IGF2BP2: variants seen among roughly 807,000 people sequenced by gnomAD.
IGF2BP2 encodes the protein insulin like growth factor 2 mRNA binding protein 2.
A neutral mutation model predicts 75.8 loss-of-function variants in IGF2BP2; 17 were observed. The ratio of observed to expected loss-of-function variants is 0.22; its 90% CI spans 0.15 to 0.34. The LOEUF (loss-of-function observed/expected upper bound fraction) is 0.34, where lower values mean the gene tolerates loss of function less well. Among genes scored for constraint, IGF2BP2 ranks in the 10% least tolerant of loss-of-function variants. IGF2BP2 has a pLI of 1.00. For synonymous variants in IGF2BP2, 288 were observed against 295.6 expected (o/e 0.97, Z 0.26); for missense variants, 516 against 772.4 (o/e 0.67, Z 3.93).
intron 2 of IGF2BP2, among the ~76,000 whole-genome samples, chr3:185,719,556 G>A (rs1003263607): frequency 1.3e-5 from 2 of 152,108 alleles, no homozygotes; most frequent in African/African-American, 2.4e-5. Context: ...AGTACAGGCT[G>A]GGTGTGGTGG....
intron 2 of IGF2BP2, among the ~76,000 whole-genome samples, chr3:185,775,087 T>C (rs1004621968): frequency 2.6e-5 from 4 of 152,022 alleles, no homozygotes; most frequent in Admixed American, 6.5e-5. Flanking sequence ...GGATGAACTC[T>C]AGCAAGTTAC....
intron 2 of IGF2BP2, among the ~76,000 whole-genome samples, chr3:185,718,341 G>A (rs1725967054): frequency 6.6e-6 from 1 of 152,194 alleles, no homozygotes; most frequent in East Asian, 1.9e-4. Flanking sequence ...AGAAGATTAA[G>A]ACCAAGGGAG....
At chr3:185,761,994 A>C (rs1732433556) in intron 2 of IGF2BP2, among the ~76,000 whole-genome samples, 1 of 152,230 alleles carries the variant, frequency 6.6e-6, no homozygotes, top group African/African-American at 2.4e-5. Flanking sequence ...ATATTCTACC[A>C]TGCTTTGTAC....
At chr3:185,769,721 C>CT (rs1209092990) in intron 2 of IGF2BP2, among the ~76,000 whole-genome samples, 1 of 148,936 alleles carries the variant, frequency 6.7e-6, no homozygotes, top group Admixed American at 6.8e-5. Flanking sequence ...CCCAGCTACT[C>CT]AGGAGGCTGA....
intron 2 of IGF2BP2, among the ~76,000 whole-genome samples, chr3:185,711,230 C>T (rs1428503898): frequency 3.3e-5 from 5 of 152,190 alleles, no homozygotes; most frequent in Non-Finnish European, 7.3e-5. Flanking sequence ...TAGACTTTTG[C>T]ACAAATAATT....
At chr3:185,824,637 G>T in intron 1 of IGF2BP2, 146 bp downstream of exon 1, 1 of 436,960 alleles carries the variant, frequency 2.3e-6, no homozygotes, top group Non-Finnish European at 3.6e-6. Flanking sequence ...GGCCGGCGGC[G>T]AGAGTTGAGG....
chr3:185,784,239 T>C lies in IGF2BP2; in HGVS notation c.239+38914A>G, dbSNP rs552809544. 1.2e-3 allele frequency among the ~76,000 whole-genome samples: 176 copies of C among 151,394 alleles called. 1 individual carries two copies. The highest frequency in any genetic ancestry group is 4.2e-3 in the African/African-American group (173 of 40,930). ...GACAGAGTGAGACTTTGTCTCTAAA[T>C]AAATAAACAAGTAGATAGATAGATA... On this transcript the variant is annotated intron_variant, in intron 2 of 15. Coordinates refer to ENST00000382199, the MANE Select transcript of IGF2BP2 (RefSeq NM_006548.6).
At chr3:185,700,348 T>C (rs925911732) in intron 2 of IGF2BP2, among the ~76,000 whole-genome samples, 3 of 152,190 alleles carry the variant, frequency 2.0e-5, no homozygotes, top group African/African-American at 7.2e-5. Context: ...ACTACTTCAG[T>C]CTTGTCTATC....
chr3:185,746,540 T>C (rs182602384), intron 2 of IGF2BP2, among the ~76,000 whole-genome samples: 2 of 152,276 alleles, frequency 1.3e-5, no homozygotes, highest in East Asian at 3.9e-4. Flanking sequence ...GGAACACGGG[T>C]CCAAACTGAA....
chr3:185,800,138 G>A (rs1457699301), intron 2 of IGF2BP2, among the ~76,000 whole-genome samples: 1 of 152,192 alleles, frequency 6.6e-6, no homozygotes, highest in Non-Finnish European at 1.5e-5. Context: ...GGACATGGAT[G>A]AAGCTGGAAA....
At chr3:185,788,710 CTTTTTTTTTT>C (rs1158869748) in intron 2 of IGF2BP2, among the ~76,000 whole-genome samples, 6 of 100,246 alleles carry the variant, frequency 6.0e-5, no homozygotes, top group South Asian at 3.6e-4. Flanking sequence ...TGACAAACGA[CTTTTTTTTTT>C]TTTTTTTTTT....
intron 2 of IGF2BP2, among the ~76,000 whole-genome samples, chr3:185,803,890 G>A (rs1488329126): frequency 6.6e-6 from 1 of 152,158 alleles, no homozygotes; most frequent in East Asian, 1.9e-4. Context: ...TTAGGAGGCC[G>A]AGGCGGGTGG....
At chr3:185,747,630 G>C (rs1730419082) in intron 2 of IGF2BP2, among the ~76,000 whole-genome samples, 1 of 152,052 alleles carries the variant, frequency 6.6e-6, no homozygotes, top group South Asian at 2.1e-4. Context: ...AGTGAGCTAA[G>C]ATCACACCAT....
chr3:185,758,222 C>T (rs1312583763), intron 2 of IGF2BP2, among the ~76,000 whole-genome samples: 2 of 152,180 alleles, frequency 1.3e-5, no homozygotes, highest in African/African-American at 4.8e-5. Context: ...GCCTTAGAGA[C>T]TTATAACCAT....
Position 185,644,375 on chromosome 3 carries a change from T to C in IGF2BP2, c.*1156A>G, listed in dbSNP as rs1357058952. The C allele has an allele frequency of 2.0e-5, 3 of 152,416 alleles. No homozygotes were observed. The highest frequency in any genetic ancestry group is 4.4e-5 in the Non-Finnish European group (3 of 68,002). 9.4% of individuals were successfully genotyped at this position (152,416 alleles called of 1,614,324 possible). On this transcript the variant is annotated 3_prime_UTR_variant, in exon 16 of 16. Coordinates refer to ENST00000382199, the MANE Select transcript of IGF2BP2 (RefSeq NM_006548.6). The stretch of plus-strand genomic sequence containing the variant: ...AATATTGATGGCTTATACACCAAAA[T>C]GCAAAAAGACAAAATACATTCTTTC...
chr3:185,766,936 G>A (rs1733158385), intron 2 of IGF2BP2, among the ~76,000 whole-genome samples: 1 of 152,204 alleles, frequency 6.6e-6, no homozygotes, highest in African/African-American at 2.4e-5. Flanking sequence ...CTTCTTGGAT[G>A]CCTGCTAATT....
In IGF2BP2 at chr3:185,661,154, C is replaced by T. The variant is rs370552249; in HGVS notation, c.1201-2745G>A. 1.1e-4 allele frequency among the ~76,000 whole-genome samples: 17 copies of T among 152,304 alleles called. No homozygotes were observed. In the East Asian group the frequency reaches 2.3e-3, roughly 21 times the overall value. ...CTTGCAATCAGGAGCTTGTTTCTAG[C>T]GGAGGCTCTGCCATTAGCCCCTGTA... On this transcript the variant is annotated intron_variant, in intron 10 of 15. Coordinates refer to ENST00000382199, the MANE Select transcript of IGF2BP2 (RefSeq NM_006548.6).
chr3:185,773,978 CCTGACTTCACTGA>C (rs1260511730), intron 2 of IGF2BP2, among the ~76,000 whole-genome samples: 2 of 152,198 alleles, frequency 1.3e-5, no homozygotes, highest in Admixed American at 1.3e-4. Context: ...TCCTGGAAGT[CCTGACTTCACTGA>C]CTGAGAGGAG....
chr3:185,690,252 A>G (rs1721768192), intron 5 of IGF2BP2, among the ~76,000 whole-genome samples: 2 of 152,138 alleles, frequency 1.3e-5, no homozygotes, highest in Non-Finnish European at 2.9e-5. Flanking sequence ...ATTATGACTC[A>G]TTTTTTTCTC....
Sources: allele counts gnomAD v4.1 joint callset (sites outside exome capture counted in the v4.1 genomes callset), GRCh38; gene constraint gnomAD v4.1.1; transcripts MANE v1.5; gene names NCBI Gene and HGNC (gene_info 2026-07-23, HGNC 2026-07-21).